Variants in KIF1B observed in about 807,000 individuals in gnomAD.
KIF1B encodes kinesin-like protein KIF1B.
A neutral mutation model predicts 241.9 loss-of-function variants in KIF1B; 76 were observed. The ratio of observed to expected loss-of-function variants is 0.31; its 90% CI spans 0.26 to 0.38. The LOEUF (loss-of-function observed/expected upper bound fraction) is 0.38. Ranked by LOEUF, KIF1B falls within the 10% of genes least tolerant of loss-of-function variation. KIF1B has a pLI of 1.00. For missense variants in KIF1B, 1,622 were observed against 2,271.4 expected, an observed-to-expected ratio of 0.71 and a Z score of 5.81; for synonymous variants, 750 against 796.7, an observed-to-expected ratio of 0.94 and a Z score of 0.99.
chr1:10,265,246 TTA>T (rs1236053393), intron 5 of KIF1B, among the ~76,000 whole-genome samples: 37 of 134,268 alleles, frequency 2.8e-4, no homozygotes, highest in African/African-American at 9.8e-4. Context: ...ATTTATTTAT[TTA>T]TTTTTAGAGA....
intron 2 of KIF1B, among the ~76,000 whole-genome samples, chr1:10,234,423 A>G (rs531221890): frequency 1.3e-5 from 2 of 151,706 alleles, no homozygotes; most frequent in South Asian, 2.1e-4. Context: ...GGCCAGCCTC[A>G]TCGCAAACTC....
At chr1:10,280,069 A>G (rs1321165703) in intron 14 of KIF1B, among the ~76,000 whole-genome samples, 2 of 152,168 alleles carry the variant, frequency 1.3e-5, no homozygotes, top group Non-Finnish European at 2.9e-5. Context: ...ACATTTTTAA[A>G]GAGTCACATG....
At chr1:10,212,635 A>G (rs974832026) in intron 1 of KIF1B, among the ~76,000 whole-genome samples, 5 of 151,894 alleles carry the variant, frequency 3.3e-5, no homozygotes, top group East Asian at 1.9e-4. Flanking sequence ...TGTAATCCCA[A>G]CACTTTGGGA....
rs574502665 is a variant in KIF1B at position 10,348,878 on chromosome 1, C to T, written c.3949+145C>T. The T allele has an allele frequency of 5.0e-5, 35 of 701,456 alleles. No individual in the cohort carries two copies. The Admixed American group carries it at 5.6e-4, about 11-fold the overall frequency. 43.5% of individuals were successfully genotyped at this position (701,456 alleles called of 1,614,324 possible). ...GTAGCCTCAAACTCCTGGGCTCAAG[C>T]AATCCTCCTGCCTCAGGTTCCCGAG... On this transcript the variant is annotated intron_variant, in intron 37 of 48. Transcript: ENST00000676179.
chr1:10,332,928 C>T lies in KIF1B; in HGVS notation c.2925-1592C>T, dbSNP rs180891314. 4.6e-5 allele frequency among the ~76,000 whole-genome samples: 7 copies of T among 151,706 alleles called. No homozygotes were observed. In the East Asian group the frequency reaches 1.4e-3, roughly 30 times the overall value. ...CCGGGTTCAAGCGATTCTCCTGCTA[C>T]AGCCTCTTGAGTAGCTAGGACAACA... is the stretch of plus-strand genomic sequence containing the variant. On this transcript the variant is annotated intron_variant, in intron 27 of 48. Coordinates refer to ENST00000676179, the MANE Select transcript of KIF1B (RefSeq NM_001365951.3).
intron 45 of KIF1B, among the ~76,000 whole-genome samples, chr1:10,372,659 CAGA>C (rs776720960): frequency 2.5e-4 from 30 of 120,078 alleles, no homozygotes; most frequent in East Asian, 2.1e-3. Flanking sequence ...GCTTGGGTGA[CAGA>C]GCTGTCACCC....
intron 7 of KIF1B, among the ~76,000 whole-genome samples, chr1:10,268,805 A>G (rs1023550978): frequency 2.0e-5 from 3 of 151,842 alleles, no homozygotes; most frequent in Non-Finnish European, 2.9e-5. Flanking sequence ...TTAGCGTTGG[A>G]TTGCTTGCTT....
chr1:10,222,904 A>G (rs1208183973), intron 1 of KIF1B, among the ~76,000 whole-genome samples: 1 of 152,214 alleles, frequency 6.6e-6, no homozygotes, highest in Non-Finnish European at 1.5e-5. Context: ...CAAAACTTGG[A>G]AGATGTATTT....
chr1:10,217,343 C>CTTTTTT (rs769372780), intron 1 of KIF1B, among the ~76,000 whole-genome samples: 3 of 131,988 alleles, frequency 2.3e-5, no homozygotes, highest in Non-Finnish European at 4.9e-5. Flanking sequence ...CTTTCTTTTT[C>CTTTTTT]TTTTTTTTTT....
chr1:10,330,294 G>A (rs575602197), intron 27 of KIF1B, among the ~76,000 whole-genome samples: 1 of 152,298 alleles, frequency 6.6e-6, no homozygotes, highest in Non-Finnish European at 1.5e-5. Flanking sequence ...GTGTGATTGT[G>A]TAGTCATGGA....
chr1:10,322,569 G>A (rs777784892), intron 24 of KIF1B, among the ~76,000 whole-genome samples: 2 of 152,160 alleles, frequency 1.3e-5, no homozygotes, highest in Non-Finnish European at 2.9e-5. Flanking sequence ...TTTCTTCACT[G>A]CTAAGATTAC....
chr1:10,282,477 A>T lies in KIF1B; in HGVS notation c.1378A>T (p.Ile460Phe). 1 of 1,614,164 alleles carries T rather than the reference A, an allele frequency of 6.2e-7. No homozygotes were observed. The highest frequency in any genetic ancestry group is 8.5e-7 in the Non-Finnish European group (1 of 1,180,022). ...SQVGLTSVTS[I>F]QERIMSTPGG... The stretch of plus-strand genomic sequence containing the variant: ...GGTGGGCTTGACGTCTGTGACCAGT[A>T]TTCAAGAGAGGATCATGTCTACACC... The change falls in exon 15 of 49, where the codon ATT becomes TTT. Residue 460 changes from isoleucine to phenylalanine, a missense_variant. Physicochemically the swap from Ile to Phe is conservative, Grantham distance 21. Around this residue, in one of 7 missense-constraint regions of KIF1B, gnomAD observed 201 missense variants for 301.2 expected, o/e 0.67. Coordinates refer to ENST00000676179, the MANE Select transcript of KIF1B (RefSeq NM_001365951.3).
chr1:10,215,505 A>G (rs1485913343), intron 1 of KIF1B, among the ~76,000 whole-genome samples: 4 of 150,822 alleles, frequency 2.7e-5, no homozygotes, highest in Admixed American at 6.6e-5. Context: ...CACATTGTTT[A>G]TACCAAAGCA....
intron 1 of KIF1B, among the ~76,000 whole-genome samples, chr1:10,222,847 ATTT>A (rs1367613709): frequency 3.0e-4 from 45 of 152,332 alleles, no homozygotes; most frequent in Non-Finnish European, 5.3e-4. Context: ...TGTGTAAGTG[ATTT>A]AGAGTATGTA....
At chr1:10,300,695 T>G (rs923116574) in intron 22 of KIF1B, among the ~76,000 whole-genome samples, 5 of 152,344 alleles carry the variant, frequency 3.3e-5, no homozygotes, top group Admixed American at 2.6e-4. Flanking sequence ...TTTGTTTATG[T>G]TCTGTAAAAT....
intron 1 of KIF1B, among the ~76,000 whole-genome samples, chr1:10,231,658 A>G (rs757886720): frequency 9.1e-4 from 139 of 152,254 alleles, no homozygotes; most frequent in Non-Finnish European, 1.9e-3. Context: ...AAGTGCTGGG[A>G]TTACAGGCAT....
Position 10,363,261 on chromosome 1 carries a change from T to C in KIF1B, c.4305-22T>C, listed in dbSNP as rs72867421. Reference sequence around the variant, plus strand: ...TTTTGTGCTTTAAGAGATTAAACAATTGTTTTATTTTCTTCAAATAGGAAT... The same window carrying C: ...TTTTGTGCTTTAAGAGATTAAACAACTGTTTTATTTTCTTCAAATAGGAAT... On this transcript the variant is annotated intron_variant, in intron 40 of 48. Transcript: ENST00000676179. The C allele has an allele frequency of 0.027, 42,479 of 1,597,434 alleles. 777 individuals carry two copies. The highest frequency in any genetic ancestry group is 0.088 in the East Asian group (3,929 of 44,778).
intron 17 of KIF1B, among the ~76,000 whole-genome samples, chr1:10,293,359 T>C (rs1360530090): frequency 6.6e-6 from 1 of 152,026 alleles, no homozygotes; most frequent in East Asian, 1.9e-4. Context: ...AAAGGTATTT[T>C]ATAACATCTT....
intron 22 of KIF1B, among the ~76,000 whole-genome samples, chr1:10,314,076 A>G (rs1651197482): frequency 6.6e-6 from 1 of 150,906 alleles, no homozygotes; most frequent in Admixed American, 6.6e-5. Flanking sequence ...TATCATTAGT[A>G]GAGATGGGGT....
Sources: gnomAD v4.1 joint callset for allele counts (sites outside exome capture counted in the v4.1 genomes callset) on GRCh38, gnomAD v4.1.1 for gene constraint, gnomAD v4.1.1 regional missense constraint, MANE v1.5 for transcripts, NCBI Gene and HGNC (gene_info 2026-07-23, HGNC 2026-07-21) for gene names.